MTUS2: variants seen among roughly 807,000 people sequenced by gnomAD.
MTUS2 encodes microtubule-associated tumor suppressor candidate 2.
In MTUS2, 40 loss-of-function variants were observed where a neutral mutation model predicts 114.1. The ratio of observed to expected loss-of-function variants is 0.35; its 90% CI spans 0.27 to 0.46. The LOEUF is 0.46. Ranked by LOEUF, MTUS2 falls within the 20% of genes least tolerant of loss-of-function variation. MTUS2 has a pLI of 1.00. For synonymous variants in MTUS2, 688 were observed against 672.0 expected, an observed-to-expected ratio of 1.02 and a Z score of -0.37; for missense variants, 1,679 against 1,705.4, an observed-to-expected ratio of 0.98 and a Z score of 0.27.
At chr13:29,340,346 G>A (rs1212046800) in intron 7 of MTUS2, among the ~76,000 whole-genome samples, 3 of 152,246 alleles carry the variant, frequency 2.0e-5, no homozygotes, top group Admixed American at 6.5e-5. Context: ...GCAGATGCCT[G>A]TTGACAGAAG....
At chr13:28,885,908 T>G (rs917541408) in intron 2 of MTUS2, among the ~76,000 whole-genome samples, 1 of 152,098 alleles carries the variant, frequency 6.6e-6, no homozygotes, top group Non-Finnish European at 1.5e-5. Flanking sequence ...GGCTGTAGGA[T>G]GTAGTGCAGT....
In MTUS2 at chr13:29,462,071, G is replaced by A. The variant is rs188863856; in HGVS notation, c.3185-18079G>A. Among the ~76,000 whole-genome samples, 28 of 152,338 alleles carry A rather than the reference G, an allele frequency of 1.8e-4. No individual in the cohort carries two copies. The East Asian group carries it at 4.8e-3, about 26-fold the overall frequency. ...CTCTTAAGCATCAGAACCACTTGGAGGGCTTGTGAAAATGCAGATTCCTGG... is the reference window on the plus strand; with the variant it reads ...CTCTTAAGCATCAGAACCACTTGGAAGGCTTGTGAAAATGCAGATTCCTGG... On this transcript the variant is annotated intron_variant, in intron 9 of 15. Transcript: ENST00000612955.
intron 9 of MTUS2, among the ~76,000 whole-genome samples, chr13:29,444,504 C>G (rs1179505062): frequency 6.6e-6 from 1 of 152,210 alleles, no homozygotes; most frequent in Admixed American, 6.5e-5. Flanking sequence ...AGGCCTGATG[C>G]ATGTTAGACT....
chr13:29,335,475 T>A (rs1156584234), intron 7 of MTUS2, among the ~76,000 whole-genome samples: 1 of 152,216 alleles, frequency 6.6e-6, no homozygotes, highest in African/African-American at 2.4e-5. Context: ...TTTTATTACC[T>A]TGTGAAGCAT....
chr13:29,195,004 C>A (rs1894621046), intron 5 of MTUS2, among the ~76,000 whole-genome samples: 1 of 147,870 alleles, frequency 6.8e-6, no homozygotes, highest in South Asian at 2.2e-4. Flanking sequence ...AACAAAAAAC[C>A]AAACACCACA....
chr13:29,141,432 T>C (rs1892214648), intron 5 of MTUS2, among the ~76,000 whole-genome samples: 2 of 152,130 alleles, frequency 1.3e-5, no homozygotes, highest in Admixed American at 1.3e-4. Flanking sequence ...AGTTACAGCC[T>C]AGAGATGCTG....
intron 5 of MTUS2, among the ~76,000 whole-genome samples, chr13:29,203,576 A>AC (rs1895052736): frequency 7.0e-6 from 1 of 142,824 alleles, no homozygotes; most frequent in African/African-American, 2.5e-5. Flanking sequence ...AAAAAAAAAA[A>AC]AAAACTCCTG....
chr13:29,189,703 A>G (rs1384878407), intron 5 of MTUS2, among the ~76,000 whole-genome samples: 1 of 152,166 alleles, frequency 6.6e-6, no homozygotes, highest in Admixed American at 6.5e-5. Context: ...GAATTAAACT[A>G]GGAAGCTCCA....
At position 29,025,387 on chromosome 13, in the gene MTUS2, C is replaced by T. The variant is rs746867109; in HGVS notation, c.689C>T (p.Pro230Leu). Residue 230 changes from proline to leucine, a missense_variant, in exon 3 of 16, where the codon CCT (proline) becomes CTT (leucine). Physicochemically the swap from Pro to Leu is moderately conservative, Grantham distance 98 (BLOSUM62 -3). Coordinates refer to ENST00000612955, the MANE Select transcript of MTUS2 (RefSeq NM_001033602.4). Reference sequence around the variant, plus strand: ...GACCACGCTGTCCCGGCAGCTTTCCCTGCAACTGACAGTACCTCAGAGGGA... The same window carrying T: ...GACCACGCTGTCCCGGCAGCTTTCCTTGCAACTGACAGTACCTCAGAGGGA... ...LPDHAVPAAF[P>L]ATDSTSEGKS... The T allele has an allele frequency of 1.2e-5, 20 of 1,613,778 alleles. No individual in the cohort carries two copies. Among genetic ancestry groups the T allele is most frequent in the South Asian group, 1.2e-4 (11 of 91,072 alleles).
intron 5 of MTUS2, among the ~76,000 whole-genome samples, chr13:29,232,294 ACACGCGCGCG>A (rs768366123): frequency 0.22 from 5,252 of 24,056 alleles, 127 homozygotes; most frequent in Non-Finnish European, 0.26. Context: ...ACACACACAC[ACACGCGCGCG>A]CGCACACACA....
At chr13:29,340,763 G>A (rs527725992) in intron 7 of MTUS2, among the ~76,000 whole-genome samples, 39 of 152,272 alleles carry the variant, frequency 2.6e-4, no homozygotes, top group African/African-American at 8.7e-4. Flanking sequence ...AGCAGTGTAC[G>A]TTGCATGCAA....
chr13:29,037,957 A>C (rs774407608), intron 4 of MTUS2, among the ~76,000 whole-genome samples: 2 of 152,176 alleles, frequency 1.3e-5, no homozygotes, highest in African/African-American at 4.8e-5. Flanking sequence ...GGGTTAGAAC[A>C]TGCTCCTTTA....
chr13:29,365,180 A>G (rs944763348), intron 8 of MTUS2, among the ~76,000 whole-genome samples: 1 of 152,180 alleles, frequency 6.6e-6, no homozygotes, highest in Admixed American at 6.5e-5. Flanking sequence ...CAACCCCCAA[A>G]CATCAAAATA....
chr13:28,975,371 G>C (rs1884041437), intron 2 of MTUS2, among the ~76,000 whole-genome samples: 2 of 152,162 alleles, frequency 1.3e-5, no homozygotes, highest in African/African-American at 4.8e-5. Context: ...TCTTTGCCCG[G>C]CCCTGAAGTC....
intron 4 of MTUS2, among the ~76,000 whole-genome samples, chr13:29,035,652 C>T (rs545772769): frequency 6.6e-6 from 1 of 152,138 alleles, no homozygotes; most frequent in African/African-American, 2.4e-5. Flanking sequence ...TTCCCTTGCT[C>T]CTCAATCCCT....
At position 28,851,420 on chromosome 13, in the gene MTUS2, C is replaced by T. The variant is rs576048932; in HGVS notation, c.-243+11570C>T. ...TCTACAAAGAAAAGGAATCAGAGTA[C>T]CTGTTTCAAAAACAAATCATCACAT... On this transcript the variant is annotated intron_variant, in intron 2 of 15. Coordinates refer to ENST00000612955, the MANE Select transcript of MTUS2 (RefSeq NM_001033602.4). Among the ~76,000 whole-genome samples, 51 of 152,290 alleles carry T rather than the reference C, an allele frequency of 3.3e-4. 1 individual carries two copies. Among genetic ancestry groups the T allele is most frequent in the South Asian group, 8.3e-4 (4 of 4,826 alleles).
At chr13:29,387,688 T>C (rs3121750) in intron 8 of MTUS2, among the ~76,000 whole-genome samples, 111,358 of 151,976 alleles carry the variant, frequency 0.73, 41,400 homozygotes, top group East Asian at 0.83. Flanking sequence ...AGGAGACACG[T>C]GTGTGGGAAA....
At chr13:29,016,575 T>C (rs1252247244) in intron 2 of MTUS2, among the ~76,000 whole-genome samples, 1 of 152,172 alleles carries the variant, frequency 6.6e-6, no homozygotes, top group Non-Finnish European at 1.5e-5. Context: ...TTTATGTATA[T>C]ATTCTTCTTT....
At chr13:29,416,681 C>G (rs1875692628) in intron 8 of MTUS2, among the ~76,000 whole-genome samples, 2 of 152,158 alleles carry the variant, frequency 1.3e-5, no homozygotes, top group African/African-American at 4.8e-5. Context: ...ACTTGGACAA[C>G]TTAACTTTAT....
Sources: gnomAD v4.1 joint callset for allele counts (sites outside exome capture counted in the v4.1 genomes callset) on GRCh38, gnomAD v4.1.1 for gene constraint, MANE v1.5 for transcripts, NCBI Gene and HGNC (gene_info 2026-07-23, HGNC 2026-07-21) for gene names.